The following EXOC6B variants were observed in gnomAD, a reference collection of about 807,000 sequenced individuals.
EXOC6B encodes exocyst complex component 6B.
EXOC6B carries 54 observed loss-of-function variants against 113.5 expected under a neutral mutation model. The observed-to-expected ratio is 0.48, with a 90% CI of 0.38 to 0.60. The LOEUF (loss-of-function observed/expected upper bound fraction) is 0.60. Ranked by LOEUF, EXOC6B falls within the 20% of genes least tolerant of loss-of-function variation. The pLI, the probability that EXOC6B is intolerant of heterozygous loss-of-function variation, is 0.00. For synonymous variants in EXOC6B, 357 were observed against 339.0 expected (o/e 1.05, Z -0.58); for missense variants, 797 against 977.5 (o/e 0.82, Z 2.46).
intron 8 of EXOC6B, among the ~76,000 whole-genome samples, chr2:72,547,467 T>C (rs887657478): frequency 2.0e-5 from 3 of 152,188 alleles, no homozygotes; most frequent in African/African-American, 7.2e-5. Context: ...GAGAAGATGA[T>C]GTACATAGCT....
intron 20 of EXOC6B, among the ~76,000 whole-genome samples, chr2:72,187,942 T>C (rs962914586): frequency 6.6e-6 from 1 of 152,170 alleles, no homozygotes; most frequent in Non-Finnish European, 1.5e-5. Flanking sequence ...AACCATGTAG[T>C]GGGAGCAGGC....
intron 20 of EXOC6B, among the ~76,000 whole-genome samples, chr2:72,323,065 G>A (rs1406082768): frequency 6.6e-6 from 1 of 152,090 alleles, no homozygotes; most frequent in African/African-American, 2.4e-5. Context: ...CCTACAGAAT[G>A]GGAGAAAATT....
chr2:72,644,531 C>A (rs1027758228), intron 6 of EXOC6B, among the ~76,000 whole-genome samples: 5 of 152,216 alleles, frequency 3.3e-5, no homozygotes, highest in Middle Eastern at 6.8e-3. Context: ...TTAACGGCAA[C>A]CAGAGAGAAA....
In EXOC6B at chr2:72,251,004, T is replaced by C. The variant is rs561014857; in HGVS notation, c.2197-66817A>G. ...TGAGTAGTTGGCTAATTTTGTGTATTTTTTATGGAGACGGGGTCTCACTAT... is the reference window on the plus strand; with the variant it reads ...TGAGTAGTTGGCTAATTTTGTGTATCTTTTATGGAGACGGGGTCTCACTAT... On this transcript the variant is annotated intron_variant, in intron 20 of 21. Transcript: ENST00000272427. 8.1e-4 allele frequency among the ~76,000 whole-genome samples: 117 copies of C among 144,398 alleles called. 2 individuals are homozygous for C. In the Middle Eastern group the frequency reaches 0.028, roughly 35 times the overall value. 94.7% of individuals were successfully genotyped at this position (144,398 alleles called of 152,430 possible).
chr2:72,514,637 A>G lies in EXOC6B; in HGVS notation c.1043T>C (p.Val348Ala), dbSNP rs753703195. 2.8e-5 allele frequency: 29 copies of G among 1,029,740 alleles called. No homozygotes were observed. In the South Asian group the frequency reaches 4.3e-4, roughly 15 times the overall value. 63.8% of individuals were successfully genotyped at this position (1,029,740 alleles called of 1,614,324 possible). ...DGYRKYFNQI[V>A]GFFVVEDHIL... ...ATATATATATATATATACCTACCCT[A>G]CAATTTGATTAAAATACTTCCTGTA... The change falls in exon 10 of 22, where the codon GTA (valine) becomes GCA (alanine). Residue 348 changes from valine (V) to alanine (A), a missense_variant. Val to Ala is a moderately conservative substitution (Grantham distance 64). Transcript: ENST00000272427.
chr2:72,651,148 GT>G (rs1237663357), intron 6 of EXOC6B, among the ~76,000 whole-genome samples: 1 of 152,180 alleles, frequency 6.6e-6, no homozygotes, highest in Non-Finnish European at 1.5e-5. Flanking sequence ...TGCTTTATCT[GT>G]TTTAATCTTT....
intron 1 of EXOC6B, among the ~76,000 whole-genome samples, chr2:72,788,806 C>T (rs546146726): frequency 6.6e-6 from 1 of 152,288 alleles, no homozygotes; most frequent in South Asian, 2.1e-4. Flanking sequence ...GGGGGCGACC[C>T]TGTCTCAAAA....
At chr2:72,304,886 A>G (rs1352892562) in intron 20 of EXOC6B, among the ~76,000 whole-genome samples, 1 of 152,220 alleles carries the variant, frequency 6.6e-6, no homozygotes. Context: ...TTGGGCAAGT[A>G]TCAGACAGTT....
intron 19 of EXOC6B, among the ~76,000 whole-genome samples, chr2:72,359,080 T>C (rs1325304425): frequency 6.6e-6 from 1 of 152,236 alleles, no homozygotes; most frequent in East Asian, 1.9e-4. Context: ...ATCTGCTGTT[T>C]ACCTTTTTCT....
intron 20 of EXOC6B, among the ~76,000 whole-genome samples, chr2:72,243,633 A>G (rs1351585666): frequency 6.6e-6 from 1 of 152,170 alleles, no homozygotes; most frequent in East Asian, 1.9e-4. Flanking sequence ...TAGGAAAAAT[A>G]CCTAATGTGA....
rs184010744 is a variant in EXOC6B, at chr2:72,333,178, T to C, written c.2196+1769A>G. On this transcript the variant is annotated intron_variant, in intron 20 of 21. Coordinates refer to ENST00000272427, the MANE Select transcript of EXOC6B (RefSeq NM_015189.3). ...ATAAAAGCAACTCTGGGAAGAGAAA[T>C]GTAATAGAAAATAGGAACTTAAGCA... Among the ~76,000 whole-genome samples, 9 of 152,146 alleles carry C rather than the reference T, an allele frequency of 5.9e-5. No individual in the cohort carries two copies. The East Asian group carries it at 1.7e-3, about 29-fold the overall frequency.
chr2:72,341,000 G>C (rs779843393), intron 19 of EXOC6B, among the ~76,000 whole-genome samples: 5 of 152,146 alleles, frequency 3.3e-5, no homozygotes, highest in Non-Finnish European at 5.9e-5. Flanking sequence ...GTCAAGGAGA[G>C]AGAAAAGGAG....
intron 6 of EXOC6B, among the ~76,000 whole-genome samples, chr2:72,672,407 G>C (rs1675953923): frequency 6.6e-6 from 1 of 151,762 alleles, no homozygotes; most frequent in Admixed American, 6.6e-5. Context: ...GAGGCAGGCG[G>C]ATCACGAGGT....
intron 17 of EXOC6B, among the ~76,000 whole-genome samples, chr2:72,475,820 T>C (rs1191427726): frequency 6.6e-6 from 1 of 152,142 alleles, no homozygotes; most frequent in East Asian, 1.9e-4. Flanking sequence ...TGGCACTCTT[T>C]CCTCAGCCCC....
At chr2:72,413,859 T>C (rs1694353227) in intron 18 of EXOC6B, among the ~76,000 whole-genome samples, 1 of 152,190 alleles carries the variant, frequency 6.6e-6, no homozygotes, top group Non-Finnish European at 1.5e-5. Context: ...ACAAGTTGTC[T>C]AGTGATATTG....
At chr2:72,707,987 T>C (rs1245466976) in intron 6 of EXOC6B, among the ~76,000 whole-genome samples, 1 of 152,158 alleles carries the variant, frequency 6.6e-6, no homozygotes. Context: ...TGTGTTTTTC[T>C]TTTGGAAATG....
At chr2:72,526,187 C>G (rs994497669) in intron 8 of EXOC6B, among the ~76,000 whole-genome samples, 1 of 151,802 alleles carries the variant, frequency 6.6e-6, no homozygotes, top group Non-Finnish European at 1.5e-5. Flanking sequence ...TTCTAAAGGG[C>G]CAATAGGAAA....
At chr2:72,534,300 T>C (rs959169261) in intron 8 of EXOC6B, among the ~76,000 whole-genome samples, 4 of 152,050 alleles carry the variant, frequency 2.6e-5, no homozygotes, top group Admixed American at 2.0e-4. Context: ...GAGGAGGAGA[T>C]AGATATAGCA....
chr2:72,628,414 C>G (rs7600273), intron 6 of EXOC6B, among the ~76,000 whole-genome samples: 93,016 of 152,074 alleles, frequency 0.61, 34,695 homozygotes, highest in East Asian at 0.99. Context: ...CAGGTGTGAG[C>G]TCCCATGCCT....
Sources: gnomAD v4.1 joint callset for allele counts (sites outside exome capture counted in the v4.1 genomes callset) on GRCh38, gnomAD v4.1.1 for gene constraint, MANE v1.5 for transcripts, NCBI Gene and HGNC (gene_info 2026-07-23, HGNC 2026-07-21) for gene names.